Variants in ANK2 observed in about 807,000 individuals in gnomAD.
The protein encoded by ANK2 is ankyrin 2.
A neutral mutation model predicts 360.5 loss-of-function variants in ANK2; 83 were observed. That is an observed-to-expected ratio of 0.23 (90% CI 0.19 to 0.28). The LOEUF is 0.28. Ranked by LOEUF, ANK2 falls within the 10% of genes least tolerant of loss-of-function variation. The pLI, the probability that ANK2 is intolerant of heterozygous loss-of-function variation, is 1.00. For synonymous variants in ANK2, 1,740 were observed against 1,759.5 expected (o/e 0.99, Z 0.28); for missense variants, 4,201 against 4,795.7 (o/e 0.88, Z 3.66).
At chr4:113,242,817 ATAGACAG>A (rs1272240459) in intron 9 of ANK2, among the ~76,000 whole-genome samples, 1 of 152,182 alleles carries the variant, frequency 6.6e-6, no homozygotes, top group African/African-American at 2.4e-5. Context: ...AGATAACACA[ATAGACAG>A]TAGAGTTCAG....
intron 2 of ANK2, among the ~76,000 whole-genome samples, chr4:113,042,258 G>A (rs1010749860): frequency 4.6e-5 from 7 of 152,036 alleles, no homozygotes; most frequent in African/African-American, 1.4e-4. Flanking sequence ...AGACTCCAGG[G>A]CTTACACCAG....
intron 17 of ANK2, among the ~76,000 whole-genome samples, chr4:113,281,588 G>C (rs2062381095): frequency 6.6e-6 from 1 of 151,982 alleles, no homozygotes. Flanking sequence ...AGAAGCACTT[G>C]GTCATTATGC....
intron 24 of ANK2, among the ~76,000 whole-genome samples, chr4:113,316,148 A>G (rs1190748257): frequency 6.6e-6 from 1 of 152,222 alleles, no homozygotes; most frequent in East Asian, 1.9e-4. Flanking sequence ...TGTTGATGAA[A>G]TTACTAAGGC....
chr4:112,801,577 G>C, the ANK2 span, among the ~76,000 whole-genome samples: 1 of 152,162 alleles, frequency 6.6e-6, no homozygotes, highest in Non-Finnish European at 1.5e-5. Context: ...AGGCTTCCTG[G>C]AGGAGCTGAT....
intron 10 of ANK2, among the ~76,000 whole-genome samples, chr4:113,253,820 C>T (rs1341775732): frequency 6.6e-6 from 1 of 152,122 alleles, no homozygotes; most frequent in African/African-American, 2.4e-5. Context: ...ATTCTCAGCA[C>T]AGCAGCAAGA....
chr4:113,164,166 A>C (rs941213627), intron 1 of ANK2, among the ~76,000 whole-genome samples: 2 of 152,136 alleles, frequency 1.3e-5, no homozygotes, highest in Admixed American at 1.3e-4. Context: ...TTGGGAGGCC[A>C]AGGCGGGAGA....
chr4:112,846,640 G>C, intron 1 of ANK2, among the ~76,000 whole-genome samples: 1 of 151,810 alleles, frequency 6.6e-6, no homozygotes. Flanking sequence ...AAGGGCCTCT[G>C]CTCACCTTTT....
intron 1 of ANK2, among the ~76,000 whole-genome samples, chr4:113,051,120 C>T (rs930638239): frequency 1.3e-5 from 2 of 151,730 alleles, no homozygotes; most frequent in Non-Finnish European, 2.9e-5. Flanking sequence ...AGATCTAGAC[C>T]TTGAGGGCAT....
At chr4:112,842,795 T>C (rs1429406171) in intron 1 of ANK2, among the ~76,000 whole-genome samples, 1 of 152,218 alleles carries the variant, frequency 6.6e-6, no homozygotes, top group African/African-American at 2.4e-5. Flanking sequence ...ATTATATTAG[T>C]TTCTTGTTGC....
At chr4:113,261,847 AC>A (rs2053108744) in intron 13 of ANK2, among the ~76,000 whole-genome samples, 1 of 152,220 alleles carries the variant, frequency 6.6e-6, no homozygotes, top group Non-Finnish European at 1.5e-5. Flanking sequence ...AGTATTGGAA[AC>A]ATTTCAGATT....
At chr4:112,801,534 A>G in the ANK2 span, among the ~76,000 whole-genome samples, 2 of 152,196 alleles carry the variant, frequency 1.3e-5, no homozygotes, top group African/African-American at 4.8e-5. Context: ...ACACAAAAAG[A>G]GACCCCTAAC....
At chr4:112,778,262 AC>A in the ANK2 span, among the ~76,000 whole-genome samples, 1 of 151,904 alleles carries the variant, frequency 6.6e-6, no homozygotes, top group Non-Finnish European at 1.5e-5. Flanking sequence ...GAGCCACCAC[AC>A]CTGGCCAATC....
chr4:113,192,424 CTCTG>C (rs2098682040), intron 2 of ANK2, among the ~76,000 whole-genome samples: 1 of 152,198 alleles, frequency 6.6e-6, no homozygotes, highest in Non-Finnish European at 1.5e-5. Context: ...CCACAGTGCA[CTCTG>C]TCTTTCTTTA....
At chr4:112,823,520 C>T (rs191093476) in intron 1 of ANK2, among the ~76,000 whole-genome samples, 33 of 150,520 alleles carry the variant, frequency 2.2e-4, no homozygotes, top group African/African-American at 8.1e-4. Flanking sequence ...CAGACAGAAA[C>T]TCCAAATAAA....
the ANK2 span, among the ~76,000 whole-genome samples, chr4:112,784,956 C>T: frequency 6.6e-6 from 1 of 152,126 alleles, no homozygotes; most frequent in Non-Finnish European, 1.5e-5. Context: ...TGTGGTTGAG[C>T]TGGAAAATGT....
chr4:113,191,501 A>G (rs763542004), intron 2 of ANK2, among the ~76,000 whole-genome samples: 1 of 152,254 alleles, frequency 6.6e-6, no homozygotes, highest in Non-Finnish European at 1.5e-5. Context: ...ACTTAAAAAA[A>G]TACATCACTT....
At chr4:113,315,668 GT>G (rs1176361594) in intron 24 of ANK2, among the ~76,000 whole-genome samples, 3 of 152,144 alleles carry the variant, frequency 2.0e-5, no homozygotes, top group African/African-American at 7.2e-5. Context: ...GGAGGCCAAG[GT>G]GGGCGGATCA....
At chr4:113,279,346 C>T (rs2061396661) in intron 17 of ANK2, among the ~76,000 whole-genome samples, 2 of 152,212 alleles carry the variant, frequency 1.3e-5, no homozygotes, top group South Asian at 2.1e-4. Flanking sequence ...AACACTATGC[C>T]GAGCACTTTA....
chr4:113,304,280 A>G (rs1009789150), intron 23 of ANK2, among the ~76,000 whole-genome samples: 1 of 152,156 alleles, frequency 6.6e-6, no homozygotes, highest in African/African-American at 2.4e-5. Flanking sequence ...TGATTCAGGT[A>G]CCCTTAGAGG....
Sources: allele counts gnomAD v4.1 joint callset (sites outside exome capture counted in the v4.1 genomes callset), GRCh38; gene constraint gnomAD v4.1.1; transcripts MANE v1.5; gene names NCBI Gene and HGNC (gene_info 2026-07-23, HGNC 2026-07-21).